The following FABP12 variants were observed in gnomAD, a reference collection of about 807,000 sequenced individuals.
FABP12 encodes fatty acid-binding protein 12.
In FABP12, 19 loss-of-function variants were observed where a neutral mutation model predicts 13.7. The ratio of observed to expected loss-of-function variants is 1.39; its 90% CI spans 0.97 to 2.04. The LOEUF (loss-of-function observed/expected upper bound fraction) is 2.04. Ranked by LOEUF, FABP12 falls within the 30% of genes most tolerant of loss-of-function variation. The pLI is 0.00. For missense variants in FABP12, 182 were observed against 164.2 expected (o/e 1.11, Z -0.59); for synonymous variants, 61 against 57.0 (o/e 1.07, Z -0.32).
At chr8:81,566,013 GATC>G (rs1809813005) in intron 1 of FABP12, among the ~76,000 whole-genome samples, 1 of 151,884 alleles carries the variant, frequency 6.6e-6, no homozygotes. Context: ...AAACTCAAAG[GATC>G]ATTATTGGCT....
intron 1 of FABP12, among the ~76,000 whole-genome samples, chr8:81,574,095 T>C (rs1809987289): frequency 6.6e-6 from 1 of 152,226 alleles, no homozygotes; most frequent in South Asian, 2.1e-4. Flanking sequence ...GGGTTTGTCA[T>C]AGATGGCTTT....
chr8:81,544,181 T>C (rs1340195107), intron 1 of FABP12, among the ~76,000 whole-genome samples: 1 of 152,138 alleles, frequency 6.6e-6, no homozygotes, highest in Non-Finnish European at 1.5e-5. Context: ...GTTTATTAGA[T>C]TCCTAGGGCT....
intron 1 of FABP12, among the ~76,000 whole-genome samples, chr8:81,543,922 G>C (rs941981227): frequency 1.3e-5 from 2 of 152,118 alleles, no homozygotes; most frequent in Non-Finnish European, 1.5e-5. Context: ...GAGAGAGACA[G>C]AGAGATGAGT....
intron 1 of FABP12, among the ~76,000 whole-genome samples, chr8:81,551,242 GCT>G (rs1441850875): frequency 6.6e-6 from 1 of 152,064 alleles, no homozygotes; most frequent in African/African-American, 2.4e-5. Flanking sequence ...GTTTTTAGAA[GCT>G]CTCTAAGTGA....
upstream of FABP12, among the ~76,000 whole-genome samples, chr8:81,538,450 G>A (rs1809276245): frequency 6.6e-6 from 1 of 152,232 alleles, no homozygotes; most frequent in South Asian, 2.1e-4. Flanking sequence ...CTCAGGTTGA[G>A]ACTGTATTGG....
chr8:81,588,885 G>A (rs1188513357), intron 1 of FABP12, among the ~76,000 whole-genome samples: 1 of 152,142 alleles, frequency 6.6e-6, no homozygotes, highest in African/African-American at 2.4e-5. Flanking sequence ...ATCCCAGGTG[G>A]GGGCTGGCAG....
intron 1 of FABP12, among the ~76,000 whole-genome samples, chr8:81,554,119 G>A (rs147797964): frequency 2.3e-4 from 35 of 152,258 alleles, no homozygotes; most frequent in African/African-American, 7.5e-4. Context: ...TATAATGCCA[G>A]TTTATGATAC....
intron 4 of FABP12, among the ~76,000 whole-genome samples, chr8:81,525,575 A>AGATC (rs549767904): frequency 2.7e-4 from 41 of 151,328 alleles, no homozygotes; most frequent in African/African-American, 9.8e-4. Context: ...ATAGATAGAT[A>AGATC]GATCTATATA....
At chr8:81,556,436 G>A (rs145026846) in intron 1 of FABP12, among the ~76,000 whole-genome samples, 237 of 152,214 alleles carry the variant, frequency 1.6e-3, no homozygotes, top group African/African-American at 5.3e-3. Context: ...TTTTTCATTG[G>A]GTTTGCTAGG....
intron 1 of FABP12, among the ~76,000 whole-genome samples, chr8:81,570,289 T>C (rs548452758): frequency 4.6e-5 from 7 of 152,290 alleles, no homozygotes; most frequent in Non-Finnish European, 7.4e-5. Flanking sequence ...GCTCACAACA[T>C]GGCAAGCGAG....
At chr8:81,536,821 C>G (rs914277768), upstream of FABP12, among the ~76,000 whole-genome samples, 10 of 152,184 alleles carry the variant, frequency 6.6e-5, no homozygotes, top group Non-Finnish European at 1.5e-4. Flanking sequence ...TTTATTAGAA[C>G]ACAACCACAC....
intron 3 of FABP12, among the ~76,000 whole-genome samples, chr8:81,528,915 C>T (rs973279895): frequency 6.6e-6 from 1 of 152,052 alleles, no homozygotes; most frequent in African/African-American, 2.4e-5. Context: ...TTAGGGGGAG[C>T]AGATTTCCTG....
intron 1 of FABP12, among the ~76,000 whole-genome samples, chr8:81,588,066 C>G (rs907716399): frequency 2.0e-5 from 3 of 152,178 alleles, no homozygotes; most frequent in Non-Finnish European, 2.9e-5. Context: ...TGCTTTTATC[C>G]TAGCCACACT....
intron 1 of FABP12, among the ~76,000 whole-genome samples, chr8:81,540,535 A>T (rs1425881384): frequency 6.6e-6 from 1 of 152,212 alleles, no homozygotes; most frequent in Non-Finnish European, 1.5e-5. Context: ...AAATTGAGGG[A>T]TATTCTACAA....
chr8:81,575,166 C>T (rs7836970), intron 1 of FABP12, among the ~76,000 whole-genome samples: 3,993 of 152,186 alleles, frequency 0.026, 168 homozygotes, highest in African/African-American at 0.092. Context: ...TATTGTCATT[C>T]AGTTCAAAGA....
intron 4 of FABP12, chr8:81,526,159 T>A (rs904727385): frequency 2.6e-5 from 4 of 152,170 alleles, no homozygotes; most frequent in Admixed American, 6.5e-5. Context: ...AGAAAAAAAA[T>A]CACTGTATTA....
At chr8:81,537,425 C>A (rs1809249454), upstream of FABP12, among the ~76,000 whole-genome samples, 1 of 151,770 alleles carries the variant, frequency 6.6e-6, no homozygotes, top group African/African-American at 2.4e-5. Flanking sequence ...TTTTTTATCA[C>A]CTTAGCAATA....
At chr8:81,546,466 A>G (rs1305484988) in intron 1 of FABP12, among the ~76,000 whole-genome samples, 1 of 151,460 alleles carries the variant, frequency 6.6e-6, no homozygotes, top group African/African-American at 2.4e-5. Context: ...ATCCTGGCTA[A>G]CATGGTGAAA....
chr8:81,583,890 T>C (rs1430394206), intron 1 of FABP12, among the ~76,000 whole-genome samples: 1 of 151,754 alleles, frequency 6.6e-6, no homozygotes, highest in Admixed American at 6.6e-5. Context: ...ACAACAAAAA[T>C]AAAAAACCTA....
Sources: allele counts gnomAD v4.1 joint callset (sites outside exome capture counted in the v4.1 genomes callset), GRCh38; gene constraint gnomAD v4.1.1; transcripts MANE v1.5; gene names NCBI Gene and HGNC (gene_info 2026-07-23, HGNC 2026-07-21).